Variants in PPARA observed in about 807,000 individuals in gnomAD.
PPARA encodes the protein peroxisome proliferator activated receptor alpha, also known as peroxisome proliferator-activated receptor alpha.
PPARA carries 22 observed loss-of-function variants against 42.2 expected under a neutral mutation model. The observed-to-expected ratio is 0.52, with a 90% CI of 0.37 to 0.74. The LOEUF (loss-of-function observed/expected upper bound fraction) is 0.74, where lower values mean the gene tolerates loss of function less well. Among genes scored for constraint, PPARA ranks in the 30% least tolerant of loss-of-function variants. The pLI, the probability that PPARA is intolerant of heterozygous loss-of-function variation, is 0.00. For missense variants in PPARA, 465 were observed against 608.2 expected (o/e 0.76, Z 2.48); for synonymous variants, 242 against 239.3 (o/e 1.01, Z -0.10).
At chr22:46,199,277 C>T (rs188233494) in intron 4 of PPARA, among the ~76,000 whole-genome samples, 92 of 152,222 alleles carry the variant, frequency 6.0e-4, no homozygotes, top group African/African-American at 2.1e-3. Context: ...GTACATGCGT[C>T]AAAGGGAAAC....
intron 2 of PPARA, among the ~76,000 whole-genome samples, chr22:46,172,585 T>C (rs1928265067): frequency 6.6e-6 from 1 of 152,170 alleles, no homozygotes; most frequent in Non-Finnish European, 1.5e-5. Context: ...GCCACTGCAT[T>C]GCAGCCTCGG....
rs1555959736 is a variant in PPARA, at chr22:46,227,154, T to TTTTTTTTTTTTTTTTTTTGTTTTG, written c.712-4638_712-4637insTTTTTTTTTTTTTTTTTTGTTTTG. Among the ~76,000 whole-genome samples the TTTTTTTTTTTTTTTTTTTGTTTTG allele has an allele frequency of 6.6e-6, 1 of 151,480 alleles. No individual in the cohort carries two copies. Among genetic ancestry groups the TTTTTTTTTTTTTTTTTTTGTTTTG allele is most frequent in the African/African-American group, 2.4e-5 (1 of 40,898 alleles). On this transcript the variant is annotated intron_variant, in intron 7 of 8. Transcript: ENST00000407236. This position sits in a 1 kb window ranked among gnomAD's most constrained non-coding sequence, Gnocchi z 4.3. ...AGATTAAAAAATGTGCTTCATATTT[T>TTTTTTTTTTTTTTTTTTTGTTTTG]ATGCCATTTCTACAAATGTATAGTA...
intron 2 of PPARA, among the ~76,000 whole-genome samples, chr22:46,166,401 T>C (rs897270114): frequency 6.6e-6 from 1 of 152,158 alleles, no homozygotes; most frequent in Non-Finnish European, 1.5e-5. Flanking sequence ...GTGGATCATT[T>C]GGGGTCAGGA....
At chr22:46,166,837 G>A (rs1927153221) in intron 2 of PPARA, among the ~76,000 whole-genome samples, 1 of 152,046 alleles carries the variant, frequency 6.6e-6, no homozygotes, top group Non-Finnish European at 1.5e-5. Flanking sequence ...CAAAGCAATC[G>A]GAATCAGACC....
Position 46,190,965 on chromosome 22 carries a change from C to A in PPARA, c.-42-7377C>A, listed in dbSNP as rs536259406. Reference sequence around the variant, plus strand: ...CAGCACTTTGGGAGGCCGAGGTGGGCGGATTACCTGAGGTCAGGTGTTCAA... The same window carrying A: ...CAGCACTTTGGGAGGCCGAGGTGGGAGGATTACCTGAGGTCAGGTGTTCAA... On this transcript the variant is annotated intron_variant, in intron 3 of 8. Transcript: ENST00000407236. The surrounding 1 kb of genome is among the most constrained non-coding windows in gnomAD (Gnocchi z 5.6). 3.3e-5 allele frequency among the ~76,000 whole-genome samples: 5 copies of A among 152,050 alleles called. No homozygotes were observed. The highest frequency in any genetic ancestry group is 1.2e-4 in the African/African-American group (5 of 41,392).
At chr22:46,226,145 A>G (rs1481398083) in intron 7 of PPARA, among the ~76,000 whole-genome samples, 3 of 140,912 alleles carry the variant, frequency 2.1e-5, no homozygotes, top group Non-Finnish European at 4.5e-5. Context: ...CCACACATAT[A>G]CAAGCATGCA....
chr22:46,215,318 GTGTGAAGGC>G lies in PPARA; in HGVS notation c.357_365del (p.Glu120_Cys122del). 1 of 1,614,134 alleles carries G rather than the reference GTGTGAAGGC, an allele frequency of 6.2e-7. No homozygotes were observed. Among genetic ancestry groups the G allele is most frequent in the Non-Finnish European group, 8.5e-7 (1 of 1,180,022 alleles). ...CAGGCTATCATTACGGAGTCCACGCGTGTGAAGGCTGCAAGGTAGAGGGGAGCTGGAACA... is the reference window on the plus strand; with the variant it reads ...CAGGCTATCATTACGGAGTCCACGCGTGCAAGGTAGAGGGGAGCTGGAACA... On this transcript the variant is annotated inframe_deletion, in exon 5 of 9. Coordinates refer to ENST00000407236, the MANE Select transcript of PPARA (RefSeq NM_005036.6).
rs374782752 is a variant in PPARA, at chr22:46,225,763, A to G, written c.711+5749A>G. On this transcript the variant is annotated intron_variant, in intron 7 of 8. Coordinates refer to ENST00000407236, the MANE Select transcript of PPARA (RefSeq NM_005036.6). This position sits in a 1 kb window ranked among gnomAD's most constrained non-coding sequence, Gnocchi z 4.1. ...CACATGGGTACACACTCACACATCC[A>G]TGCATGCACGTGTAAACACACACAC... Among the ~76,000 whole-genome samples the G allele has an allele frequency of 6.8e-6, 1 of 147,144 alleles. No individual in the cohort carries two copies. Among genetic ancestry groups the G allele is most frequent in the Non-Finnish European group, 1.5e-5 (1 of 67,536 alleles).
rs35345592 is a variant in PPARA, at chr22:46,168,351, C to CAAA, written c.-126-8377_-126-8375dup. 1.8e-3 allele frequency among the ~76,000 whole-genome samples: 26 copies of CAAA among 14,376 alleles called. 6 individuals carry two copies. The highest frequency in any genetic ancestry group is 3.7e-3 in the African/African-American group (17 of 4,644). The allele number at this position is 14,376 out of a possible 152,430, so 9.4% of individuals were successfully genotyped here. On this transcript the variant is annotated intron_variant, in intron 2 of 8. Transcript: ENST00000407236. ...TGGACAACAGAGCGAGACTCCATCTCAAAAAAAAAAAAAAAAAAAAAAAAA... is the reference window on the plus strand; with the variant it reads ...TGGACAACAGAGCGAGACTCCATCTCAAAAAAAAAAAAAAAAAAAAAAAAAAAA...
Position 46,232,127 on chromosome 22 carries a change from A to G in PPARA, c.1047A>G (p.Lys349=). The G allele has an allele frequency of 6.2e-7, 1 of 1,614,214 alleles. No homozygotes were observed. The highest frequency in any genetic ancestry group is 8.5e-7 in the Non-Finnish European group (1 of 1,180,048). The change falls in exon 8 of 9, where the codon AAA becomes AAG. Residue 349 remains lysine, a synonymous_variant. Coordinates refer to ENST00000407236, the MANE Select transcript of PPARA (RefSeq NM_005036.6). The surrounding 1 kb of genome is among the most constrained non-coding windows in gnomAD (Gnocchi z 5.3). Reference sequence around the variant, plus strand: ...GTGAATTCCTAAAAAGCCTAAGGAAACCGTTCTGTGATATCATGGAACCCA... The same window carrying G: ...GTGAATTCCTAAAAAGCCTAAGGAAGCCGTTCTGTGATATCATGGAACCCA... ...ITREFLKSLR[K]PFCDIMEPKF...
chr22:46,226,984 C>T (rs1281351887), intron 7 of PPARA, among the ~76,000 whole-genome samples: 1 of 152,042 alleles, frequency 6.6e-6, no homozygotes, highest in African/African-American at 2.4e-5. Flanking sequence ...CTTAACATTT[C>T]AGAAGCCTGG....
At position 46,215,697 on chromosome 22, in the gene PPARA, G is replaced by A. The variant is rs554219057; in HGVS notation, c.369+364G>A. Among the ~76,000 whole-genome samples, 4 of 151,788 alleles carry A rather than the reference G, an allele frequency of 2.6e-5. No individual in the cohort carries two copies. In the South Asian group the frequency reaches 8.3e-4, roughly 32 times the overall value. The stretch of plus-strand genomic sequence containing the variant: ...CCAGAGGTTGCAGTGAGCCAAGATT[G>A]CGCCACTGCACTCCAGCCTGGGCAA... On this transcript the variant is annotated intron_variant, in intron 5 of 8. Coordinates refer to ENST00000407236, the MANE Select transcript of PPARA (RefSeq NM_005036.6).
intron 3 of PPARA, among the ~76,000 whole-genome samples, chr22:46,197,555 G>A (rs542612807): frequency 1.0e-3 from 159 of 152,338 alleles, no homozygotes; most frequent in African/African-American, 3.6e-3. Context: ...TGGTGCTCCT[G>A]TGTAGATGAT....
chr22:46,153,417 C>A (rs1924782262), intron 2 of PPARA, among the ~76,000 whole-genome samples: 1 of 151,998 alleles, frequency 6.6e-6, no homozygotes, highest in African/African-American at 2.4e-5. Flanking sequence ...GAACCGCCTG[C>A]CTTGGCCTCC....
chr22:46,171,958 G>A lies in PPARA; in HGVS notation c.-126-4795G>A, dbSNP rs1175795945. Among the ~76,000 whole-genome samples the A allele has an allele frequency of 6.6e-6, 1 of 152,188 alleles. No individual in the cohort carries two copies. Among genetic ancestry groups the A allele is most frequent in the Non-Finnish European group, 1.5e-5 (1 of 68,018 alleles). On this transcript the variant is annotated intron_variant, in intron 2 of 8. Transcript: ENST00000407236. This position sits in a 1 kb window ranked among gnomAD's most constrained non-coding sequence, Gnocchi z 5.0. ...TCTGAGGTTTGCAGAGGGGCCTGAA[G>A]GGGTGGGGCCCGGCCAAGCAAGGTG...
chr22:46,215,355 G>T (rs200656207), intron 5 of PPARA, 22 bp downstream of exon 5: 3 of 1,614,046 alleles, frequency 1.9e-6, no homozygotes, highest in Non-Finnish European at 2.5e-6. Context: ...CTGGAACAGG[G>T]CCTGGTGGCC....
chr22:46,172,911 A>G lies in PPARA; in HGVS notation c.-126-3842A>G, dbSNP rs145559966. On this transcript the variant is annotated intron_variant, in intron 2 of 8. Coordinates refer to ENST00000407236, the MANE Select transcript of PPARA (RefSeq NM_005036.6). Reference sequence around the variant, plus strand: ...TGACTGTCTCCTTGAAATCCTCAGCATGGGGTCTTATGAATAAACCCTTAC... The same window carrying G: ...TGACTGTCTCCTTGAAATCCTCAGCGTGGGGTCTTATGAATAAACCCTTAC... 2.2e-4 allele frequency among the ~76,000 whole-genome samples: 34 copies of G among 152,290 alleles called. No homozygotes were observed. The East Asian group carries it at 6.2e-3, about 28-fold the overall frequency.
Position 46,182,387 on chromosome 22 carries a change from G to A in PPARA, c.-43+5551G>A, listed in dbSNP as rs1277385929. Among the ~76,000 whole-genome samples the A allele has an allele frequency of 6.6e-6, 1 of 152,178 alleles. No individual in the cohort carries two copies. Among genetic ancestry groups the A allele is most frequent in the Non-Finnish European group, 1.5e-5 (1 of 68,032 alleles). On this transcript the variant is annotated intron_variant, in intron 3 of 8. Transcript: ENST00000407236. The surrounding 1 kb of genome is among the most constrained non-coding windows in gnomAD (Gnocchi z 5.2). The stretch of plus-strand genomic sequence containing the variant: ...TATTACTTTGCAATCAAAAGGAATG[G>A]CCTATGAATACCCATAACAACATGG...
intron 2 of PPARA, among the ~76,000 whole-genome samples, chr22:46,172,395 G>A (rs1388624531): frequency 6.6e-6 from 1 of 151,830 alleles, no homozygotes; most frequent in African/African-American, 2.4e-5. Context: ...TTGGGAGGCC[G>A]AGGTAGGTGG....
Sources: gnomAD v4.1 joint callset for allele counts (sites outside exome capture counted in the v4.1 genomes callset) on GRCh38, gnomAD v4.1.1 for gene constraint, Gnocchi (gnomAD v3.1) non-coding constraint, MANE v1.5 for transcripts, NCBI Gene and HGNC (gene_info 2026-07-23, HGNC 2026-07-21) for gene names.